Variants in MTMR3 observed in about 807,000 individuals in gnomAD.
The protein encoded by MTMR3 is phosphatidylinositol-3,5-bisphosphate 3-phosphatase MTMR3.
MTMR3 carries 32 observed loss-of-function variants against 132.4 expected under a neutral mutation model. The ratio of observed to expected loss-of-function variants is 0.24; its 90% CI spans 0.18 to 0.32. The LOEUF (loss-of-function observed/expected upper bound fraction) is 0.32. Ranked by LOEUF, MTMR3 falls within the 10% of genes least tolerant of loss-of-function variation. The pLI, the probability that MTMR3 is intolerant of heterozygous loss-of-function variation, is 1.00. For synonymous variants in MTMR3, 556 were observed against 550.3 expected (o/e 1.01, Z -0.14); for missense variants, 1,216 against 1,489.6 (o/e 0.82, Z 3.02).
At chr22:29,963,709 A>G (rs1489947988) in intron 2 of MTMR3, among the ~76,000 whole-genome samples, 1 of 151,978 alleles carries the variant, frequency 6.6e-6, no homozygotes, top group Non-Finnish European at 1.5e-5. Flanking sequence ...TCTATGGCCA[A>G]ATAATTTGCC....
intron 1 of MTMR3, among the ~76,000 whole-genome samples, chr22:29,943,542 T>A (rs753886028): frequency 3.7e-4 from 56 of 152,082 alleles, no homozygotes; most frequent in Non-Finnish European, 6.8e-4. Context: ...GTATATAAGT[T>A]TATAAGTTCA....
intron 14 of MTMR3, chr22:30,014,692 G>A (rs1039991692): frequency 6.6e-6 from 1 of 151,894 alleles, no homozygotes; most frequent in Admixed American, 6.6e-5. Flanking sequence ...AAAATTTTTT[G>A]TAAATAGACA....
Position 30,020,317 on chromosome 22 carries a change from G to C in MTMR3, c.2658G>C (p.Glu886Asp), listed in dbSNP as rs773738404. 29 of 1,614,198 alleles carry C rather than the reference G, an allele frequency of 1.8e-5. No individual in the cohort carries two copies. Among genetic ancestry groups the C allele is most frequent in the Non-Finnish European group, 1.8e-5 (21 of 1,180,038 alleles). Residue 886 changes from glutamate (E) to aspartate (D), a missense_variant, in exon 17 of 20, where the codon GAG becomes GAC. By Grantham distance (45) the Glu-to-Asp change is conservative (BLOSUM62 2). This residue lies in a region of MTMR3 where 852 missense variants were observed against 852.0 expected (regional missense o/e 1.00). Transcript: ENST00000401950. ...AGACCATGGAACCCAGCCCTTCAGAGACAAGCCTGGTCGAGAGGCCCCAAG... is the reference window on the plus strand; with the variant it reads ...AGACCATGGAACCCAGCCCTTCAGACACAAGCCTGGTCGAGAGGCCCCAAG... ...LPQTMEPSPS[E>D]TSLVERPQVG...
intron 1 of MTMR3, among the ~76,000 whole-genome samples, chr22:29,890,158 C>T (rs1257780929): frequency 2.0e-5 from 3 of 151,732 alleles, no homozygotes; most frequent in Admixed American, 6.6e-5. Context: ...CACCTGCCTC[C>T]GCCTCCCAAA....
chr22:29,954,629 A>G (rs1319291158), intron 1 of MTMR3, among the ~76,000 whole-genome samples: 1 of 152,224 alleles, frequency 6.6e-6, no homozygotes, highest in African/African-American at 2.4e-5. Context: ...ACACTTCTGT[A>G]TTACTGAAGA....
Position 29,896,733 on chromosome 22 carries a change from C to CCA in MTMR3, c.-138+13375_-138+13376dup, listed in dbSNP as rs536926339. On this transcript the variant is annotated intron_variant, in intron 1 of 19. Coordinates refer to ENST00000401950, the MANE Select transcript of MTMR3 (RefSeq NM_021090.4). ...TGCATTAAAATGATGTATAACATAA[C>CCA]CATTTATTTAAGAGTGTATTCCAGT... Among the ~76,000 whole-genome samples the CCA allele has an allele frequency of 4.5e-3, 680 of 152,072 alleles. 6 individuals carry two copies. The highest frequency in any genetic ancestry group is 0.015 in the African/African-American group (642 of 41,458).
At chr22:29,917,446 A>C (rs1388967480) in intron 1 of MTMR3, among the ~76,000 whole-genome samples, 3 of 152,242 alleles carry the variant, frequency 2.0e-5, no homozygotes, top group Non-Finnish European at 2.9e-5. Flanking sequence ...TCAAGGCCCA[A>C]GGCCAGCCTG....
chr22:29,956,434 A>G (rs2066191182), intron 1 of MTMR3, among the ~76,000 whole-genome samples: 1 of 151,682 alleles, frequency 6.6e-6, no homozygotes, highest in South Asian at 2.1e-4. Context: ...TTTAGTAGAG[A>G]CGGGGTTTTG....
Position 30,019,609 on chromosome 22 carries a change from G to C in MTMR3, c.1950G>C (p.Leu650=). The part of the protein sequence containing the change: ...KWQEHRRSLE[L]SSLAGPGEDP... ...AGGAGCACCGGCGCTCACTAGAGCT[G>C]AGCAGCCTGGCTGGCCCTGGAGAGG... The change falls in exon 17 of 20, where the codon CTG becomes CTC. Residue 650 remains leucine, a synonymous_variant. Transcript: ENST00000401950. The C allele has an allele frequency of 6.2e-7, 1 of 1,614,146 alleles. No individual in the cohort carries two copies. Among genetic ancestry groups the C allele is most frequent in the African/African-American group, 1.3e-5 (1 of 75,066 alleles).
chr22:29,964,756 C>T (rs549569114), intron 2 of MTMR3, among the ~76,000 whole-genome samples: 1 of 152,166 alleles, frequency 6.6e-6, no homozygotes, highest in Non-Finnish European at 1.5e-5. Context: ...AATCCATTCA[C>T]CCCACATCAA....
chr22:30,019,353 T>C lies in MTMR3; in HGVS notation c.1821-127T>C, dbSNP rs1038012253. On this transcript the variant is annotated intron_variant, in intron 16 of 19. Transcript: ENST00000401950. ...AGCAGTCTGGGCCTCGCTCCAGAGA[T>C]GCTACAGCTCCATGAGTAGCCATAA... 2.2e-5 allele frequency: 19 copies of C among 860,790 alleles called. No individual in the cohort carries two copies. In the African/African-American group the frequency reaches 3.1e-4, roughly 14 times the overall value. 53.3% of individuals were successfully genotyped at this position (860,790 alleles called of 1,614,324 possible). A position where few individuals can be genotyped will look rare whatever the true frequency, so the allele number is the denominator to read the frequency against.
chr22:29,943,881 T>C (rs1050156622), intron 1 of MTMR3, among the ~76,000 whole-genome samples: 2 of 151,084 alleles, frequency 1.3e-5, no homozygotes, highest in African/African-American at 4.9e-5. Context: ...TGGAGTGTAG[T>C]AGCACGATCT....
intron 19 of MTMR3, chr22:30,023,471 T>C (rs1247433681): frequency 6.2e-7 from 1 of 1,614,110 alleles, no homozygotes; most frequent in Non-Finnish European, 8.5e-7. Context: ...ACTGACCGTG[T>C]TGATCAAACG....
At chr22:30,005,798 GCACCCAGC>G (rs951593348) in intron 9 of MTMR3, 8 of 152,116 alleles carry the variant, frequency 5.3e-5, no homozygotes, top group Admixed American at 5.2e-4. Context: ...CATTCACAGG[GCACCCAGC>G]CACCCTAGCC....
chr22:29,888,309 A>G (rs1247657483), intron 1 of MTMR3, among the ~76,000 whole-genome samples: 1 of 152,096 alleles, frequency 6.6e-6, no homozygotes, highest in African/African-American at 2.4e-5. Flanking sequence ...GGCCTCCCAA[A>G]GTGCTGGGAT....
At position 29,897,753 on chromosome 22, in the gene MTMR3, A is replaced by G. The variant is rs191149830; in HGVS notation, c.-138+14394A>G. Among the ~76,000 whole-genome samples the G allele has an allele frequency of 3.5e-4, 53 of 152,144 alleles. No individual in the cohort carries two copies. The East Asian group carries it at 8.9e-3, about 26-fold the overall frequency. ...GGGTGAGCCACTGTGCCTGGCCTGT[A>G]TTTGCTTTTAAAAATTAAAATATGC... On this transcript the variant is annotated intron_variant, in intron 1 of 19. Transcript: ENST00000401950.
Position 30,029,473 on chromosome 22 carries a change from C to T in MTMR3, c.*3672C>T, listed in dbSNP as rs2067973562. 6.6e-6 allele frequency: 1 copy of T among 152,188 alleles called. No individual in the cohort carries two copies. Among genetic ancestry groups the T allele is most frequent in the African/African-American group, 2.4e-5 (1 of 41,374 alleles). 9.4% of individuals were successfully genotyped at this position (152,188 alleles called of 1,614,324 possible). A position where few individuals can be genotyped will look rare whatever the true frequency, so the allele number is the denominator to read the frequency against. ...TGTGGTAGATCTAAAGGAGAATGAA[C>T]AGAAGGTGCTGGAGGACCTGTTAAA... On this transcript the variant is annotated 3_prime_UTR_variant, in exon 20 of 20. Transcript: ENST00000401950.
At position 30,020,542 on chromosome 22, in the gene MTMR3, G is replaced by A. The variant is rs200168358; in HGVS notation, c.2883G>A (p.Gly961=). The change falls in exon 17 of 20, where the codon GGG becomes GGA. Residue 961 remains glycine, a synonymous_variant. Transcript: ENST00000401950. ...YPTPNGHCAN[G]EAGRSKDSLS... The stretch of plus-strand genomic sequence containing the variant: ...CACCCAATGGGCATTGCGCCAATGG[G>A]GAGGCTGGTAGGAGCAAGGACTCAC... The A allele has an allele frequency of 1.2e-6, 2 of 1,614,186 alleles. No individual in the cohort carries two copies. The highest frequency in any genetic ancestry group is 4.5e-5 in the East Asian group (2 of 44,872).
intron 16 of MTMR3, 30 bp from the exon 17 acceptor site, chr22:30,019,450 T>C (rs371675469): frequency 3.2e-6 from 5 of 1,565,822 alleles, no homozygotes; most frequent in Non-Finnish European, 4.3e-6. Flanking sequence ...TTTCCAAGAT[T>C]TTCATTTCCC....
Sources: allele counts gnomAD v4.1 joint callset (sites outside exome capture counted in the v4.1 genomes callset), GRCh38; gene constraint gnomAD v4.1.1; regional missense constraint gnomAD v4.1.1; transcripts MANE v1.5; gene names NCBI Gene and HGNC (gene_info 2026-07-23, HGNC 2026-07-21).